The following FSD1 variants were observed in gnomAD, a reference collection of about 807,000 sequenced individuals.
FSD1 encodes fibronectin type III and SPRY domain-containing protein 1.
In FSD1, 23 loss-of-function variants were observed where a neutral mutation model predicts 58.2. The observed-to-expected ratio is 0.40, with a 90% CI of 0.28 to 0.56. The LOEUF (loss-of-function observed/expected upper bound fraction) is 0.56. FSD1 is among the 20% of genes least tolerant of loss of function. The pLI, the probability that FSD1 is intolerant of heterozygous loss-of-function variation, is 0.54. For missense variants in FSD1, 563 were observed against 670.8 expected (o/e 0.84, Z 1.78); for synonymous variants, 265 against 263.4 (o/e 1.01, Z -0.06).
In FSD1 at chr19:4,308,807, A is replaced by G. The variant is rs576512598; in HGVS notation, c.345+824A>G. On this transcript the variant is annotated intron_variant, in intron 4 of 12. Transcript: ENST00000221856. ...CGGGAGGCGGAGCTTGCAGTGAGCC[A>G]AGATCGCGCCACCGCACTCCAGCCT... Among the ~76,000 whole-genome samples the G allele has an allele frequency of 8.2e-4, 107 of 130,524 alleles. 1 individual carries two copies. Among genetic ancestry groups the G allele is most frequent in the East Asian group, 7.6e-3 (33 of 4,320 alleles). 85.6% of individuals were successfully genotyped at this position (130,524 alleles called of 152,430 possible).
intron 7 of FSD1, 26 bp downstream of exon 7, chr19:4,312,077 C>T (rs1193015765): frequency 1.3e-6 from 2 of 1,569,868 alleles, no homozygotes; most frequent in Non-Finnish European, 1.7e-6. Context: ...GCCAGCTCCG[C>T]CCAGCTGTGA....
At chr19:4,314,533 C>G (rs534884327) in intron 7 of FSD1, among the ~76,000 whole-genome samples, 10 of 150,450 alleles carry the variant, frequency 6.6e-5, no homozygotes, top group Non-Finnish European at 1.3e-4. Context: ...GTCGCCCAGG[C>G]TGGAGTGCAG....
At chr19:4,306,842 G>A (rs574008099) in intron 3 of FSD1, among the ~76,000 whole-genome samples, 16 of 151,996 alleles carry the variant, frequency 1.1e-4, no homozygotes, top group South Asian at 4.2e-4. Context: ...CAGTGCCTCC[G>A]GTTTCTCAGC....
chr19:4,323,063 G>A lies in FSD1; in HGVS notation c.1117G>A (p.Val373Met), dbSNP rs766530976. 2.5e-6 allele frequency: 4 copies of A among 1,611,474 alleles called. No individual in the cohort carries two copies. The highest frequency in any genetic ancestry group is 2.2e-5 in the South Asian group (2 of 91,064). Residue 373 changes from valine to methionine, a missense_variant, in exon 11 of 13, where the codon GTG becomes ATG. Val to Met is a conservative substitution (Grantham distance 21, BLOSUM62 1). Coordinates refer to ENST00000221856, the MANE Select transcript of FSD1 (RefSeq NM_024333.3). The surrounding 1 kb of genome is among the most constrained non-coding windows in gnomAD (Gnocchi z 7.7). ...EPDSKAFGVG[V>M]AYRSLGRFEQ... ...GGACAGCAAGGCGTTCGGCGTGGGC[G>A]TGGCCTACCGCAGCCTGGGCCGCTT... is the stretch of plus-strand genomic sequence containing the variant.
chr19:4,318,369 T>A lies in FSD1; in HGVS notation c.823T>A (p.Ser275Thr), dbSNP rs1292162682. 6.2e-7 allele frequency: 1 copy of A among 1,613,708 alleles called. No homozygotes were observed. The highest frequency in any genetic ancestry group is 1.3e-5 in the African/African-American group (1 of 74,872). Residue 275 changes from serine to threonine, a missense_variant, in exon 9 of 13, where the codon TCC (serine) becomes ACC (threonine). Physicochemically the swap from Ser to Thr is moderately conservative, Grantham distance 58. Transcript: ENST00000221856. ...TPAFMFRLDA[S>T]TSHQNLRVDD... ...AGCGTTCATGTTCCGCCTGGATGCG[T>A]CCACATCCCACCAGAACCTGCGGGT... is the stretch of plus-strand genomic sequence containing the variant.
intron 4 of FSD1, 77 bp from the exon 5 acceptor site, chr19:4,310,196 G>T: frequency 6.5e-7 from 1 of 1,549,578 alleles, no homozygotes; most frequent in East Asian, 2.2e-5. Flanking sequence ...CTGCAATCCA[G>T]CCTGGGCAAC....
Position 4,304,775 on chromosome 19 carries a change from G to T in FSD1, c.15+14G>T, listed in dbSNP as rs1189402091. The stretch of plus-strand genomic sequence containing the variant: ...GAAGAACAGAGGGTAGGACGGGGTG[G>T]GGCAGGGCGGGCCCGCAGGGGCGTC... On this transcript the variant is annotated intron_variant, in intron 1 of 12. Coordinates refer to ENST00000221856, the MANE Select transcript of FSD1 (RefSeq NM_024333.3). The T allele has an allele frequency of 2.2e-6, 2 of 907,138 alleles. No homozygotes were observed. The highest frequency in any genetic ancestry group is 5.7e-5 in the South Asian group (1 of 17,568). The allele number at this position is 907,138 out of a possible 1,614,324, so 56.2% of individuals were successfully genotyped here. A position where few individuals can be genotyped will look rare whatever the true frequency, so the allele number is the denominator to read the frequency against.
intron 10 of FSD1, among the ~76,000 whole-genome samples, chr19:4,320,803 C>T (rs201340893): frequency 3.0e-5 from 3 of 99,280 alleles, no homozygotes; most frequent in East Asian, 3.3e-4. Flanking sequence ...GGAGGGGAAT[C>T]GCTGGGACTG....
At chr19:4,310,773 C>T in intron 6 of FSD1, 177 bp downstream of exon 6, 1 of 650,702 alleles carries the variant, frequency 1.5e-6, no homozygotes, top group Non-Finnish European at 2.6e-6. Flanking sequence ...TGGAGCCCCG[C>T]CCCTGGGTGG....
intron 7 of FSD1, among the ~76,000 whole-genome samples, chr19:4,313,347 A>G (rs1971716122): frequency 6.6e-6 from 1 of 151,104 alleles, no homozygotes; most frequent in African/African-American, 2.4e-5. Flanking sequence ...TCTCTACTAA[A>G]CAAAGAGAGA....
chr19:4,307,980 T>G lies in FSD1; in HGVS notation c.342T>G (p.Pro114=), dbSNP rs1194806377. ...TLQAMDSEDF[P]QAAKQIKDGV... is the part of the protein sequence containing the mutation. ...AGGCCATGGACAGCGAGGACTTTCC[T>G]CAGGTGGGTGCCTCTGATGCTGCCA... The change falls in exon 4 of 13, where the codon CCT becomes CCG. Residue 114 remains proline (P), a synonymous_variant. Coordinates refer to ENST00000221856, the MANE Select transcript of FSD1 (RefSeq NM_024333.3). The G allele has an allele frequency of 6.2e-7, 1 of 1,612,234 alleles. No homozygotes were observed. The highest frequency in any genetic ancestry group is 8.5e-7 in the Non-Finnish European group (1 of 1,178,736).
At chr19:4,321,812 G>T (rs1384454102) in intron 10 of FSD1, among the ~76,000 whole-genome samples, 1 of 151,598 alleles carries the variant, frequency 6.6e-6, no homozygotes, top group East Asian at 1.9e-4. Context: ...GAATAACTTG[G>T]ATCCCGAGGA....
Position 4,323,442 on chromosome 19 carries a change from C to G in FSD1, c.1380+6C>G, listed in dbSNP as rs757002741. 23 of 1,612,122 alleles carry G rather than the reference C, an allele frequency of 1.4e-5. No individual in the cohort carries two copies. Among genetic ancestry groups the G allele is most frequent in the Non-Finnish European group, 1.9e-5 (22 of 1,178,582 alleles). On this transcript the variant is annotated splice_donor_region_variant and intron_variant, in intron 12 of 12. Transcript: ENST00000221856. The surrounding 1 kb of genome is among the most constrained non-coding windows in gnomAD (Gnocchi z 7.7). ...CGCTGCTGCCTGCTTTCACGGTGAG[C>G]TGCCCTCCGCGGCCCAGGGGGAGGA...
chr19:4,306,152 C>T (rs1971618565), intron 2 of FSD1, 46 bp from the exon 3 acceptor site: 2 of 1,613,502 alleles, frequency 1.2e-6, no homozygotes, highest in South Asian at 1.1e-5. Flanking sequence ...TCTCAGGTTC[C>T]CTCTCTGAAC....
At chr19:4,316,377 G>A (rs1428290105) in intron 7 of FSD1, among the ~76,000 whole-genome samples, 2 of 118,330 alleles carry the variant, frequency 1.7e-5, no homozygotes, top group Admixed American at 9.5e-5. Context: ...GCCACCCCCC[G>A]CCCCCACCAA....
chr19:4,323,306 A>T lies in FSD1; in HGVS notation c.1292-42A>T. 6.3e-7 allele frequency: 1 copy of T among 1,597,630 alleles called. No homozygotes were observed. The highest frequency in any genetic ancestry group is 8.5e-7 in the Non-Finnish European group (1 of 1,173,214). ...AGTCCCCTCCGTCTGCCCCCATCCC[A>T]CTTCTGACCGGTCCCACTGTCACTC... On this transcript the variant is annotated intron_variant, in intron 11 of 12. Coordinates refer to ENST00000221856, the MANE Select transcript of FSD1 (RefSeq NM_024333.3). The surrounding 1 kb of genome is among the most constrained non-coding windows in gnomAD (Gnocchi z 7.7).
In FSD1 at chr19:4,306,188, TC is replaced by T. The variant is rs1971619138; in HGVS notation, c.112-8del. 3.1e-6 allele frequency: 5 copies of T among 1,613,742 alleles called. No homozygotes were observed. The highest frequency in any genetic ancestry group is 4.2e-6 in the Non-Finnish European group (5 of 1,179,866). On this transcript the variant is annotated splice_polypyrimidine_tract_variant and intron_variant, in intron 2 of 12. Coordinates refer to ENST00000221856, the MANE Select transcript of FSD1 (RefSeq NM_024333.3). ...ACGGGCTTTGGCCGATTCTGGCTGT[TC>T]CGACCCAGGCGAACTCGGCGAAGGT... is the stretch of plus-strand genomic sequence containing the variant.
chr19:4,308,268 T>C (rs1971645255), intron 4 of FSD1, among the ~76,000 whole-genome samples: 3 of 151,364 alleles, frequency 2.0e-5, no homozygotes, highest in Non-Finnish European at 4.4e-5. Context: ...ATTAGCTGGA[T>C]GTGGTGGTGG....
intron 1 of FSD1, 82 bp downstream of exon 1, chr19:4,304,843 T>TGCCC: frequency 2.7e-6 from 1 of 363,822 alleles, no homozygotes. Flanking sequence ...GCGCCCCCAC[T>TGCCC]CCCTCCCCGC....
Sources: gnomAD v4.1 joint callset for allele counts (sites outside exome capture counted in the v4.1 genomes callset) on GRCh38, gnomAD v4.1.1 for gene constraint, Gnocchi (gnomAD v3.1) non-coding constraint, MANE v1.5 for transcripts, NCBI Gene and HGNC (gene_info 2026-07-23, HGNC 2026-07-21) for gene names.